Variants in NRIP1 observed in about 807,000 individuals in gnomAD.
NRIP1 encodes the protein nuclear receptor interacting protein 1, also known as nuclear receptor-interacting protein 1.
A neutral mutation model predicts 75.0 loss-of-function variants in NRIP1; 28 were observed. The observed-to-expected ratio is 0.37, with a 90% CI of 0.28 to 0.51. The LOEUF (loss-of-function observed/expected upper bound fraction) is 0.51, where lower values mean the gene tolerates loss of function less well. Ranked by LOEUF, NRIP1 falls within the 20% of genes least tolerant of loss-of-function variation. NRIP1 has a pLI of 0.92. For missense variants in NRIP1, 1,435 were observed against 1,343.7 expected (o/e 1.07, Z -1.06); for synonymous variants, 526 against 487.6 (o/e 1.08, Z -1.04).
At chr21:14,980,200 A>C (rs2087192882) in intron 3 of NRIP1, among the ~76,000 whole-genome samples, 1 of 152,196 alleles carries the variant, frequency 6.6e-6, no homozygotes, top group African/African-American at 2.4e-5. Flanking sequence ...TATTAAATAT[A>C]TTAGTGCAGG....
chr21:15,038,947 T>C (rs1368998687), intron 2 of NRIP1, among the ~76,000 whole-genome samples: 1 of 152,032 alleles, frequency 6.6e-6, no homozygotes, highest in East Asian at 1.9e-4. Context: ...TTTAGAAAGA[T>C]TAAACAATAA....
rs757429406 is a variant in NRIP1, at chr21:14,965,312, T to C, written c.2881A>G (p.Lys961Glu). ...PHRSNSVADS[K>E]KKGHKNNVTN... ...ACATTATTTTTGTGTCCTTTCTTTTTACTGTCAGCCACAGAGTTACTTCTG... is the reference window on the plus strand; with the variant it reads ...ACATTATTTTTGTGTCCTTTCTTTTCACTGTCAGCCACAGAGTTACTTCTG... Residue 961 changes from lysine to glutamate, a missense_variant, in exon 4 of 4, where the codon AAA (lysine) becomes GAA (glutamate). Coordinates refer to ENST00000318948, the MANE Select transcript of NRIP1 (RefSeq NM_003489.4). 1 of 1,614,034 alleles carries C rather than the reference T, an allele frequency of 6.2e-7. No homozygotes were observed. The highest frequency in any genetic ancestry group is 8.5e-7 in the Non-Finnish European group (1 of 1,179,938).
At chr21:15,023,737 A>G (rs1366968008) in intron 2 of NRIP1, among the ~76,000 whole-genome samples, 3 of 152,224 alleles carry the variant, frequency 2.0e-5, no homozygotes, top group Non-Finnish European at 2.9e-5. Flanking sequence ...CCCATGAAAG[A>G]GAAAAAATCC....
intron 3 of NRIP1, among the ~76,000 whole-genome samples, chr21:15,008,074 G>A (rs543370528): frequency 5.3e-5 from 8 of 152,264 alleles, no homozygotes; most frequent in African/African-American, 1.7e-4. Context: ...TTTGAAGAGC[G>A]TCGTCAGATA....
chr21:14,972,091 C>T (rs112265905), intron 3 of NRIP1, among the ~76,000 whole-genome samples: 20 of 152,244 alleles, frequency 1.3e-4, no homozygotes, highest in African/African-American at 4.1e-4. Context: ...GCAACACCTA[C>T]CACTGTTCTA....
At position 14,967,582 on chromosome 21, in the gene NRIP1, G is replaced by A; in HGVS notation, c.611C>T (p.Pro204Leu). The change falls in exon 4 of 4, where the codon CCT becomes CTT. Residue 204 changes from proline to leucine, a missense_variant. Physicochemically the swap from Pro to Leu is moderately conservative, Grantham distance 98 (BLOSUM62 -3). Coordinates refer to ENST00000318948, the MANE Select transcript of NRIP1 (RefSeq NM_003489.4). ...VKDQKPDTNL[P>L]DVTKNLIRDR... ...TCTGATGAGGTTTTTAGTCACATCA[G>A]GAAGATTCGTATCAGGCTTTTGATC... The A allele has an allele frequency of 6.2e-7, 1 of 1,614,090 alleles. No individual in the cohort carries two copies. Among genetic ancestry groups the A allele is most frequent in the Non-Finnish European group, 8.5e-7 (1 of 1,180,020 alleles).
rs1247649708 is a variant in NRIP1, at chr21:14,963,973, G to A, written c.*743C>T. On this transcript the variant is annotated 3_prime_UTR_variant, in exon 4 of 4. Transcript: ENST00000318948. The stretch of plus-strand genomic sequence containing the variant: ...AACTTTTCTAATTCTGTAAAAGGAG[G>A]AGTATTAATTTAGTAAAGTAGTTAA... The A allele has an allele frequency of 3.3e-5, 5 of 152,476 alleles. No homozygotes were observed. Among genetic ancestry groups the A allele is most frequent in the Non-Finnish European group, 2.9e-5 (2 of 67,980 alleles). 9.4% of individuals were successfully genotyped at this position (152,476 alleles called of 1,614,324 possible). A position where few individuals can be genotyped will look rare whatever the true frequency, so the allele number is the denominator to read the frequency against.
At chr21:14,990,296 AT>A in intron 3 of NRIP1, among the ~76,000 whole-genome samples, 1 of 151,686 alleles carries the variant, frequency 6.6e-6, no homozygotes, top group South Asian at 2.1e-4. Flanking sequence ...TGTCTTACTC[AT>A]GAACATTGCT....
chr21:15,052,890 T>C (rs1407517131), intron 1 of NRIP1, among the ~76,000 whole-genome samples: 1 of 152,198 alleles, frequency 6.6e-6, no homozygotes, highest in Non-Finnish European at 1.5e-5. Context: ...ACTCTCACTG[T>C]GACACATAAA....
chr21:15,033,701 C>G (rs1385879081), intron 2 of NRIP1, among the ~76,000 whole-genome samples: 1 of 152,198 alleles, frequency 6.6e-6, no homozygotes, highest in Non-Finnish European at 1.5e-5. Flanking sequence ...CATTATTTCA[C>G]TTAATCATTA....
intron 3 of NRIP1, among the ~76,000 whole-genome samples, chr21:15,006,077 C>T (rs2087965137): frequency 6.6e-6 from 1 of 152,016 alleles, no homozygotes; most frequent in Non-Finnish European, 1.5e-5. Context: ...TTCACGCATA[C>T]TGCATATAGC....
intron 3 of NRIP1, among the ~76,000 whole-genome samples, chr21:14,972,727 G>A (rs540609298): frequency 1.3e-5 from 2 of 152,278 alleles, no homozygotes; most frequent in Admixed American, 1.3e-4. Context: ...ATGGAGTAGC[G>A]GGGTGGAGAT....
intron 2 of NRIP1, among the ~76,000 whole-genome samples, chr21:15,031,247 G>T (rs1187984585): frequency 1.4e-5 from 2 of 142,136 alleles, no homozygotes. Context: ...GTGGTTGGAG[G>T]TTCACCACAT....
rs193180621 is a variant in NRIP1, at chr21:14,976,671, T to G, written c.-334-8145A>C. 3.0e-3 allele frequency among the ~76,000 whole-genome samples: 462 copies of G among 152,294 alleles called. 3 individuals are homozygous for G. Among genetic ancestry groups the G allele is most frequent in the Non-Finnish European group, 5.1e-3 (348 of 68,010 alleles). On this transcript the variant is annotated intron_variant, in intron 3 of 3. Coordinates refer to ENST00000318948, the MANE Select transcript of NRIP1 (RefSeq NM_003489.4). ...GAAACTTTGTGGAACTTCTACACAC[T>G]TTAAAATGATAAAATCCAAGTGATA... is the stretch of plus-strand genomic sequence containing the variant.
chr21:15,049,165 C>T (rs992228012), intron 1 of NRIP1, among the ~76,000 whole-genome samples: 9 of 152,046 alleles, frequency 5.9e-5, no homozygotes, highest in Non-Finnish European at 1.3e-4. Flanking sequence ...ATTTCTAACA[C>T]CTAATATTCA....
At chr21:14,979,884 T>TGTA (rs1203720688) in intron 3 of NRIP1, among the ~76,000 whole-genome samples, 1 of 143,106 alleles carries the variant, frequency 7.0e-6, no homozygotes, top group South Asian at 2.3e-4. Context: ...GTTTGCTTGT[T>TGTA]ATAACTGATC....
Position 14,967,467 on chromosome 21 carries a change from A to G in NRIP1, c.726T>C (p.Ala242=). Reference sequence around the variant, plus strand: ...CCCTTTTTTCCACCATGCTTGCAACAGCCTGTAATCTTGCAGCACATGACA... The same window carrying G: ...CCCTTTTTTCCACCATGCTTGCAACGGCCTGTAATCTTGCAGCACATGACA... ...EPLSCAARLQ[A]VASMVEKRAS... Residue 242 remains alanine (A), a synonymous_variant, in exon 4 of 4, where the codon GCT becomes GCC. Transcript: ENST00000318948. 6.2e-7 allele frequency: 1 copy of G among 1,614,104 alleles called. No homozygotes were observed. The highest frequency in any genetic ancestry group is 8.5e-7 in the Non-Finnish European group (1 of 1,180,012).
At chr21:14,997,659 T>C (rs2087762560) in intron 3 of NRIP1, among the ~76,000 whole-genome samples, 1 of 150,598 alleles carries the variant, frequency 6.6e-6, no homozygotes, top group African/African-American at 2.4e-5. Flanking sequence ...AAAATAATCA[T>C]TATATATATC....
At chr21:15,010,006 A>C (rs906213381) in intron 3 of NRIP1, among the ~76,000 whole-genome samples, 21 of 152,356 alleles carry the variant, frequency 1.4e-4, no homozygotes, top group African/African-American at 5.1e-4. Flanking sequence ...GGGCGGCAAC[A>C]GCAGGAGACA....
Sources: allele counts gnomAD v4.1 joint callset (sites outside exome capture counted in the v4.1 genomes callset), GRCh38; gene constraint gnomAD v4.1.1; transcripts MANE v1.5; gene names NCBI Gene and HGNC (gene_info 2026-07-23, HGNC 2026-07-21).